The following NALF1 variants were observed in gnomAD, a reference collection of about 807,000 sequenced individuals.
NALF1 encodes NALCN channel auxiliary factor 1.
A neutral mutation model predicts 48.4 loss-of-function variants in NALF1; 3 were observed. That is an observed-to-expected ratio of 0.06 (90% CI 0.03 to 0.16). NALF1 has a LOEUF of 0.16. NALF1 is among the 10% of genes least tolerant of loss of function. NALF1 has a pLI of 1.00. For missense variants in NALF1, 526 were observed against 571.5 expected, an observed-to-expected ratio of 0.92 and a Z score of 0.81; for synonymous variants, 262 against 245.7, an observed-to-expected ratio of 1.07 and a Z score of -0.62.
At chr13:107,396,096 G>C (rs1883706894) in intron 1 of NALF1, among the ~76,000 whole-genome samples, 2 of 152,074 alleles carry the variant, frequency 1.3e-5, no homozygotes, top group Admixed American at 1.3e-4. Context: ...TGTCTGGTAC[G>C]AGCTCTTTAA....
intron 1 of NALF1, among the ~76,000 whole-genome samples, chr13:107,745,127 G>T (rs935559362): frequency 2.0e-5 from 3 of 152,162 alleles, no homozygotes; most frequent in African/African-American, 7.2e-5. Flanking sequence ...TACCTAGAGG[G>T]TACATAAACA....
intron 1 of NALF1, among the ~76,000 whole-genome samples, chr13:107,549,250 T>C (rs773097411): frequency 3.3e-5 from 5 of 152,168 alleles, no homozygotes; most frequent in African/African-American, 4.8e-5. Flanking sequence ...AGGGTGACAG[T>C]GGGACTGGCA....
Position 107,411,338 on chromosome 13 carries a change from A to G in NALF1, c.916-200583T>C, listed in dbSNP as rs115044592. ...TTTTTTAATCAAGACAGGGTCTTGC[A>G]TCTTGCTCTGTTGCCCAGGCTGGAG... On this transcript the variant is annotated intron_variant, in intron 1 of 2. Transcript: ENST00000375915. Among the ~76,000 whole-genome samples the G allele has an allele frequency of 5.6e-3, 823 of 146,160 alleles. 10 individuals carry two copies. Among genetic ancestry groups the G allele is most frequent in the African/African-American group, 0.02 (783 of 39,174 alleles).
At chr13:107,543,785 G>A (rs1354693196) in intron 1 of NALF1, among the ~76,000 whole-genome samples, 1 of 151,268 alleles carries the variant, frequency 6.6e-6, no homozygotes, top group Non-Finnish European at 1.5e-5. Flanking sequence ...ACATGTATAT[G>A]TGTATATATA....
At chr13:107,794,315 T>G (rs535261358) in intron 1 of NALF1, among the ~76,000 whole-genome samples, 3 of 152,308 alleles carry the variant, frequency 2.0e-5, no homozygotes, top group African/African-American at 7.2e-5. Context: ...GTTATTTTCC[T>G]GTAGGCTTTT....
intron 1 of NALF1, among the ~76,000 whole-genome samples, chr13:107,447,790 A>G (rs1324259986): frequency 6.6e-6 from 1 of 152,124 alleles, no homozygotes; most frequent in African/African-American, 2.4e-5. Context: ...CAAAGCCCAG[A>G]GTCATTACAT....
intron 2 of NALF1, among the ~76,000 whole-genome samples, chr13:107,196,422 A>T (rs1270962838): frequency 1.3e-5 from 2 of 152,270 alleles, no homozygotes; most frequent in Non-Finnish European, 2.9e-5. Flanking sequence ...TCAACAGCCA[A>T]GATGTAGAAA....
In NALF1 at chr13:107,398,617, T is replaced by A. The variant is rs143188881; in HGVS notation, c.916-187862A>T. On this transcript the variant is annotated intron_variant, in intron 1 of 2. Coordinates refer to ENST00000375915, the MANE Select transcript of NALF1 (RefSeq NM_001080396.3). ...TGGTTGTTCCCAATGCAAATTATGT[T>A]CATATGGTACTGATAATAAGCAAAC... is the stretch of plus-strand genomic sequence containing the variant. Among the ~76,000 whole-genome samples the A allele has an allele frequency of 2.7e-4, 41 of 152,244 alleles. No individual in the cohort carries two copies. In the East Asian group the frequency reaches 6.4e-3, roughly 24 times the overall value.
intron 1 of NALF1, among the ~76,000 whole-genome samples, chr13:107,729,281 A>T (rs544998620): frequency 6.6e-6 from 1 of 152,298 alleles, no homozygotes; most frequent in South Asian, 2.1e-4. Flanking sequence ...ACCATCTGAC[A>T]ATTTATGGAA....
At chr13:107,329,720 TG>T (rs1424121728) in intron 1 of NALF1, among the ~76,000 whole-genome samples, 1 of 147,664 alleles carries the variant, frequency 6.8e-6, no homozygotes, top group Non-Finnish European at 1.5e-5. Flanking sequence ...GTGTTCTCAC[TG>T]TTCAATTCCC....
chr13:107,794,021 C>T (rs78163448), intron 1 of NALF1, among the ~76,000 whole-genome samples: 15,171 of 152,084 alleles, frequency 0.1, 956 homozygotes, highest in Middle Eastern at 0.18. Context: ...CAAGGTAAAA[C>T]GTAAACCATT....
At chr13:107,311,139 C>G in intron 1 of NALF1, among the ~76,000 whole-genome samples, 1 of 152,002 alleles carries the variant, frequency 6.6e-6, no homozygotes, top group Admixed American at 6.6e-5. Context: ...CTCAGCTGTT[C>G]CCATCTCCAC....
At chr13:107,774,840 T>C (rs966274981) in intron 1 of NALF1, among the ~76,000 whole-genome samples, 6 of 152,166 alleles carry the variant, frequency 3.9e-5, no homozygotes, top group Non-Finnish European at 8.8e-5. Flanking sequence ...TCAGCTCTTA[T>C]GGTTCTTCCT....
chr13:107,371,485 A>C (rs1883248303), intron 1 of NALF1, among the ~76,000 whole-genome samples: 1 of 146,642 alleles, frequency 6.8e-6, no homozygotes, highest in Admixed American at 6.9e-5. Context: ...AAATAGTTTC[A>C]AGATATCATC....
chr13:107,274,815 T>C lies in NALF1; in HGVS notation c.916-64060A>G, dbSNP rs1305251013. On this transcript the variant is annotated intron_variant, in intron 1 of 2. Coordinates refer to ENST00000375915, the MANE Select transcript of NALF1 (RefSeq NM_001080396.3). ...ATGTAAGAGAATACTGACAGGGAGA[T>C]CAGTAAGCAAACTGTGGTCATGGAA... 3.3e-5 allele frequency among the ~76,000 whole-genome samples: 5 copies of C among 152,140 alleles called. No individual in the cohort carries two copies. In the East Asian group the frequency reaches 9.7e-4, roughly 30 times the overall value.
chr13:107,543,716 C>T (rs989618635), intron 1 of NALF1, among the ~76,000 whole-genome samples: 3 of 151,830 alleles, frequency 2.0e-5, no homozygotes, highest in African/African-American at 7.3e-5. Context: ...TACACACACA[C>T]ATACATACAT....
intron 1 of NALF1, among the ~76,000 whole-genome samples, chr13:107,654,686 T>C (rs1351491158): frequency 1.3e-5 from 2 of 148,324 alleles, no homozygotes; most frequent in East Asian, 2.0e-4. Context: ...GGGAAGGACA[T>C]AACAAAAAAA....
intron 1 of NALF1, among the ~76,000 whole-genome samples, chr13:107,644,015 G>A (rs1379287856): frequency 6.9e-6 from 1 of 145,890 alleles, no homozygotes; most frequent in Non-Finnish European, 1.5e-5. Context: ...GCAAATTTCT[G>A]AAGAATTACA....
At chr13:107,772,281 C>A (rs538340298) in intron 1 of NALF1, among the ~76,000 whole-genome samples, 77 of 152,148 alleles carry the variant, frequency 5.1e-4, no homozygotes, top group African/African-American at 1.4e-3. Flanking sequence ...GCCCTGAGTT[C>A]TTTCTTGCGC....
Sources: gnomAD v4.1 joint callset for allele counts (sites outside exome capture counted in the v4.1 genomes callset) on GRCh38, gnomAD v4.1.1 for gene constraint, MANE v1.5 for transcripts, NCBI Gene and HGNC (gene_info 2026-07-23, HGNC 2026-07-21) for gene names.